ZC3H7A: variants seen among roughly 807,000 people sequenced by gnomAD.
ZC3H7A encodes zinc finger CCCH domain-containing protein 7A.
In ZC3H7A, 44 loss-of-function variants were observed where a neutral mutation model predicts 125.5. The observed-to-expected ratio is 0.35, with a 90% confidence interval of 0.28 to 0.45. The LOEUF (loss-of-function observed/expected upper bound fraction) is 0.45. Among genes scored for constraint, ZC3H7A ranks in the 20% least tolerant of loss-of-function variants. The pLI is 1.00. For synonymous variants in ZC3H7A, 399 were observed against 391.2 expected, an observed-to-expected ratio of 1.02 and a Z score of -0.23; for missense variants, 977 against 1,170.7, an observed-to-expected ratio of 0.83 and a Z score of 2.41.
At chr16:11,794,635 G>T (rs777798427) in intron 1 of ZC3H7A, among the ~76,000 whole-genome samples, 1 of 151,992 alleles carries the variant, frequency 6.6e-6, no homozygotes, top group Non-Finnish European at 1.5e-5. Flanking sequence ...CCCTTTCTAG[G>T]GTATCTGTGG....
At chr16:11,781,402 G>T in intron 3 of ZC3H7A, 23 bp downstream of exon 3, 1 of 1,594,206 alleles carries the variant, frequency 6.3e-7, no homozygotes, top group Non-Finnish European at 8.6e-7. Context: ...GAGCTTTCAA[G>T]CAGACCTTCC....
chr16:11,790,094 A>AC (rs2053325269), intron 1 of ZC3H7A, among the ~76,000 whole-genome samples: 1 of 151,722 alleles, frequency 6.6e-6, no homozygotes, highest in Non-Finnish European at 1.5e-5. Flanking sequence ...AAAAAAAAAA[A>AC]AAAAAAAAGA....
chr16:11,768,727 G>C (rs145064073), intron 11 of ZC3H7A, among the ~76,000 whole-genome samples: 1 of 152,030 alleles, frequency 6.6e-6, no homozygotes, highest in East Asian at 1.9e-4. Flanking sequence ...CATATTATAA[G>C]TAATAAGTTC....
At chr16:11,783,871 G>A (rs1247625073) in intron 1 of ZC3H7A, among the ~76,000 whole-genome samples, 1 of 151,964 alleles carries the variant, frequency 6.6e-6, no homozygotes, top group East Asian at 1.9e-4. Context: ...TTGAAACACC[G>A]TCAGTTCTCA....
intron 1 of ZC3H7A, among the ~76,000 whole-genome samples, chr16:11,791,696 T>C (rs899534290): frequency 6.6e-6 from 1 of 152,152 alleles, no homozygotes; most frequent in African/African-American, 2.4e-5. Flanking sequence ...CAGCAGGAAA[T>C]GACTGCATGC....
chr16:11,795,266 T>G (rs1479413342), intron 1 of ZC3H7A, among the ~76,000 whole-genome samples: 2 of 152,292 alleles, frequency 1.3e-5, no homozygotes, highest in African/African-American at 4.8e-5. Flanking sequence ...CTTTGAGAGC[T>G]TAAGGGAAGG....
rs760924358 is a variant in ZC3H7A at position 11,776,889 on chromosome 16, C to T, written c.327G>A (p.Leu109=). 6 of 1,599,114 alleles carry T rather than the reference C, an allele frequency of 3.8e-6. No individual in the cohort carries two copies. The South Asian group carries it at 5.7e-5, about 15-fold the overall frequency. The part of the protein sequence containing the change: ...YSNMGFHDKV[L]EDCNIVLSLN... The stretch of plus-strand genomic sequence containing the variant: ...AACTGAGGACTATATTGCAGTCCTC[C>T]AAAACTTTATCATGGAAACCCTGGT... Residue 109 remains leucine (L), a synonymous_variant, in exon 5 of 23, where the codon TTG becomes TTA. Transcript: ENST00000355758.
At position 11,762,676 on chromosome 16, in the gene ZC3H7A, C is replaced by T. The variant is rs745694053; in HGVS notation, c.2074G>A (p.Ala692Thr). ...AGTACACAAGAGAAAAATACCTGCG[C>T]TCCAGGTACATTTGCTTCCAAATTC... ...WQNLEANVPGAQVLGNQIMPG... is the reference protein window; with the variant it reads ...WQNLEANVPGTQVLGNQIMPG... Residue 692 changes from alanine to threonine, a missense_variant, in exon 17 of 23, where the codon GCG becomes ACG. Coordinates refer to ENST00000355758, the MANE Select transcript of ZC3H7A (RefSeq NM_014153.4). The T allele has an allele frequency of 1.2e-6, 2 of 1,613,828 alleles. No homozygotes were observed. The highest frequency in any genetic ancestry group is 1.7e-6 in the Non-Finnish European group (2 of 1,179,846).
At chr16:11,772,445 T>TA (rs371701881) in intron 9 of ZC3H7A, among the ~76,000 whole-genome samples, 40 of 151,874 alleles carry the variant, frequency 2.6e-4, no homozygotes, top group African/African-American at 8.0e-4. Flanking sequence ...ATTTGGTTCT[T>TA]AAAACAGCTC....
At chr16:11,782,077 G>C (rs549952746) in intron 2 of ZC3H7A, among the ~76,000 whole-genome samples, 2 of 152,240 alleles carry the variant, frequency 1.3e-5, no homozygotes, top group East Asian at 3.9e-4. Context: ...AACAATTGTA[G>C]CCCTAAAAGC....
intron 11 of ZC3H7A, 77 bp downstream of exon 11, chr16:11,768,954 C>T: frequency 1.4e-6 from 2 of 1,417,166 alleles, no homozygotes; most frequent in Non-Finnish European, 1.9e-6. Flanking sequence ...CTGTCATGTT[C>T]ATTCAAATAA....
intron 5 of ZC3H7A, 36 bp from the exon 6 acceptor site, chr16:11,776,568 T>C (rs2053083929): frequency 1.3e-6 from 2 of 1,564,744 alleles, no homozygotes; most frequent in East Asian, 2.3e-5. Context: ...AACAGGGTTA[T>C]ATTTACTAAT....
chr16:11,788,344 G>T (rs1164829544), intron 1 of ZC3H7A, among the ~76,000 whole-genome samples: 1 of 152,118 alleles, frequency 6.6e-6, no homozygotes, highest in South Asian at 2.1e-4. Flanking sequence ...CCCTCCATCA[G>T]ATGTCAAATG....
At chr16:11,782,202 TAA>T (rs1226102299) in intron 2 of ZC3H7A, 83 bp downstream of exon 2, 1 of 1,482,990 alleles carries the variant, frequency 6.7e-7, no homozygotes, top group Non-Finnish European at 9.4e-7. Context: ...TAAACATGAC[TAA>T]AGAGTTCTTC....
At chr16:11,779,991 T>C (rs899921668) in intron 3 of ZC3H7A, among the ~76,000 whole-genome samples, 1 of 152,244 alleles carries the variant, frequency 6.6e-6, no homozygotes, top group Non-Finnish European at 1.5e-5. Context: ...TCAGGTCATT[T>C]ACTGATTTGG....
chr16:11,779,419 G>C, intron 3 of ZC3H7A, 56 bp from the exon 4 acceptor site: 11 of 1,500,956 alleles, frequency 7.3e-6, no homozygotes, highest in Non-Finnish European at 1.0e-5. Context: ...TATGGTATAA[G>C]TAAATTTTAA....
chr16:11,770,039 G>A (rs932478227), intron 10 of ZC3H7A, among the ~76,000 whole-genome samples: 2 of 151,502 alleles, frequency 1.3e-5, no homozygotes, highest in African/African-American at 2.4e-5. Context: ...CTCCTGACTC[G>A]GCCTCCCAAA....
intron 12 of ZC3H7A, among the ~76,000 whole-genome samples, chr16:11,768,032 CAT>C (rs1310317577): frequency 6.6e-6 from 1 of 152,138 alleles, no homozygotes; most frequent in Non-Finnish European, 1.5e-5. Flanking sequence ...ACACTGAGAA[CAT>C]AAGGAGTTTC....
chr16:11,793,060 A>G (rs1046068586), intron 1 of ZC3H7A, among the ~76,000 whole-genome samples: 15 of 152,170 alleles, frequency 9.9e-5, no homozygotes, highest in African/African-American at 3.6e-4. Flanking sequence ...TCCAGGGAAA[A>G]TCTTTCAAGG....
Sources: gnomAD v4.1 joint callset for allele counts (sites outside exome capture counted in the v4.1 genomes callset) on GRCh38, gnomAD v4.1.1 for gene constraint, MANE v1.5 for transcripts, NCBI Gene and HGNC (gene_info 2026-07-23, HGNC 2026-07-21) for gene names.